Variants in GTF2H5 observed in about 807,000 individuals in gnomAD.
GTF2H5 encodes the protein general transcription factor IIH subunit 5, also known as TFB5 ortholog.
A neutral mutation model predicts 7.1 loss-of-function variants in GTF2H5; 5 were observed. That is an observed-to-expected ratio of 0.71 (90% confidence interval 0.37 to 1.49). GTF2H5 has a LOEUF of 1.49. Ranked by LOEUF, GTF2H5 falls within the 40% of genes most tolerant of loss-of-function variation. The pLI is 0.03. For synonymous variants in GTF2H5, 30 were observed against 31.7 expected (o/e 0.95, Z 0.18); for missense variants, 80 against 83.0 (o/e 0.96, Z 0.14).
At chr6:158,177,616 G>C (rs931318826) in intron 2 of GTF2H5, among the ~76,000 whole-genome samples, 2 of 152,184 alleles carry the variant, frequency 1.3e-5, no homozygotes, top group African/African-American at 4.8e-5. Flanking sequence ...TAAATGTGCA[G>C]AACGTACAGT....
At chr6:158,189,974 CTT>C (rs1236393588) in intron 2 of GTF2H5, among the ~76,000 whole-genome samples, 2 of 152,158 alleles carry the variant, frequency 1.3e-5, no homozygotes, top group African/African-American at 2.4e-5. Context: ...TTTCAGGACT[CTT>C]TGGGTTTTCT....
At chr6:158,189,400 G>T (rs1378182078) in intron 2 of GTF2H5, among the ~76,000 whole-genome samples, 1 of 152,112 alleles carries the variant, frequency 6.6e-6, no homozygotes, top group Non-Finnish European at 1.5e-5. Context: ...AATCCTTAGT[G>T]ATGTTAGTAT....
chr6:158,190,727 G>T (rs1445932408), intron 2 of GTF2H5: 1 of 408,416 alleles, frequency 2.4e-6, no homozygotes, highest in East Asian at 7.0e-5. Flanking sequence ...GGATTAAATT[G>T]TTACCTTTAC....
At chr6:158,179,309 G>A (rs1785974678) in intron 2 of GTF2H5, among the ~76,000 whole-genome samples, 2 of 152,184 alleles carry the variant, frequency 1.3e-5, no homozygotes, top group South Asian at 4.1e-4. Flanking sequence ...TTCTTGCACA[G>A]GATTGTCTTG....
chr6:158,169,306 A>G (rs1240876825), intron 1 of GTF2H5, among the ~76,000 whole-genome samples: 1 of 125,628 alleles, frequency 8.0e-6, no homozygotes, highest in Non-Finnish European at 1.6e-5. Flanking sequence ...TATATATAAT[A>G]TATAATATGT....
At position 158,198,683 on chromosome 6, in the gene GTF2H5, G is replaced by C. The variant is rs1777150789; in HGVS notation, c.*6526G>C. 1 of 152,360 alleles carries C rather than the reference G, an allele frequency of 6.6e-6. No homozygotes were observed. The highest frequency in any genetic ancestry group is 2.1e-4 in the South Asian group (1 of 4,824). The allele number at this position is 152,360 out of a possible 1,614,324, so 9.4% of individuals were successfully genotyped here. On this transcript the variant is annotated 3_prime_UTR_variant, in exon 3 of 3. Transcript: ENST00000607778. ...GGCCTCCCAAAGTGGTGGGATTACA[G>C]GCGTGAGCCAGCGCGCCCGGCCTGG...
At position 158,172,369 on chromosome 6, in the gene GTF2H5, T is replaced by G. The variant is rs1487989397; in HGVS notation, c.35+1831T>G. Among the ~76,000 whole-genome samples the G allele has an allele frequency of 2.0e-5, 3 of 151,882 alleles. No individual in the cohort carries two copies. The East Asian group carries it at 5.8e-4, about 29-fold the overall frequency. ...GCTCTGTTGCCAGGTTGGAGTGCAGTGGCGCGATCTTGGCTCCTGGATTCA... is the reference window on the plus strand; with the variant it reads ...GCTCTGTTGCCAGGTTGGAGTGCAGGGGCGCGATCTTGGCTCCTGGATTCA... On this transcript the variant is annotated intron_variant, in intron 2 of 2. Coordinates refer to ENST00000607778, the MANE Select transcript of GTF2H5 (RefSeq NM_207118.3).
intron 2 of GTF2H5, among the ~76,000 whole-genome samples, chr6:158,175,046 A>ATATGTGTGTGTGTGTGTGTG (rs1350204806): frequency 2.4e-5 from 1 of 41,708 alleles, no homozygotes; most frequent in African/African-American, 1.0e-4. Context: ...GTGTGTGTGT[A>ATATGTGTGTGTGTGTGTGTG]TACACACACA....
chr6:158,182,522 T>C (rs932701365), intron 2 of GTF2H5, among the ~76,000 whole-genome samples: 1 of 152,192 alleles, frequency 6.6e-6, no homozygotes, highest in Non-Finnish European at 1.5e-5. Flanking sequence ...CAATCAAACG[T>C]AGATTTGGTC....
At chr6:158,169,808 A>ATATATTATATATTG (rs1785821594) in intron 1 of GTF2H5, among the ~76,000 whole-genome samples, 3 of 109,146 alleles carry the variant, frequency 2.7e-5, no homozygotes, top group African/African-American at 1.2e-4. Flanking sequence ...ATTGTATATT[A>ATATATTATATATTG]TATATTATAT....
At chr6:158,182,908 T>G (rs1786029955) in intron 2 of GTF2H5, among the ~76,000 whole-genome samples, 1 of 152,150 alleles carries the variant, frequency 6.6e-6, no homozygotes, top group Non-Finnish European at 1.5e-5. Flanking sequence ...CCATCCAGTT[T>G]TCTTCCCTTG....
chr6:158,192,091 T>C lies in GTF2H5; in HGVS notation c.150T>C (p.Val50=). ...ACGTCTTTGTAATAGCAGAATTGGT[T>C]AATGTCCTCCAGGAGCGAGTGGGTG... The part of the protein sequence containing the change: ...DTHVFVIAEL[V]NVLQERVGEL... Residue 50 remains valine, a synonymous_variant, in exon 3 of 3, where the codon GTT becomes GTC. Coordinates refer to ENST00000607778, the MANE Select transcript of GTF2H5 (RefSeq NM_207118.3). 1 of 1,614,010 alleles carries C rather than the reference T, an allele frequency of 6.2e-7. No individual in the cohort carries two copies. Among genetic ancestry groups the C allele is most frequent in the Non-Finnish European group, 8.5e-7 (1 of 1,179,900 alleles).
chr6:158,181,555 C>T (rs1220887042), intron 2 of GTF2H5, among the ~76,000 whole-genome samples: 1 of 152,186 alleles, frequency 6.6e-6, no homozygotes, highest in East Asian at 1.9e-4. Flanking sequence ...CTGGGTCCCC[C>T]TGTATTGGGT....
At chr6:158,187,248 A>G (rs75525394) in intron 2 of GTF2H5, among the ~76,000 whole-genome samples, 1 of 151,930 alleles carries the variant, frequency 6.6e-6, no homozygotes. Context: ...CACCCACCTC[A>G]GCCTCCCAAA....
chr6:158,178,130 C>T (rs1040089361), intron 2 of GTF2H5, among the ~76,000 whole-genome samples: 5 of 152,084 alleles, frequency 3.3e-5, no homozygotes, highest in Admixed American at 1.3e-4. Context: ...GTTCTAGATC[C>T]TTAAGGAATC....
chr6:158,184,102 A>T (rs1452041000), intron 2 of GTF2H5, among the ~76,000 whole-genome samples: 1 of 152,116 alleles, frequency 6.6e-6, no homozygotes, highest in Admixed American at 6.6e-5. Flanking sequence ...TGATACTTAG[A>T]TTTCCTAAGT....
intron 1 of GTF2H5, among the ~76,000 whole-genome samples, chr6:158,169,608 TGTATATTAC>T (rs1785770765): frequency 2.3e-5 from 2 of 87,888 alleles, no homozygotes; most frequent in African/African-American, 1.0e-4. Context: ...TTACATATAT[TGTATATTAC>T]ATATAATATA....
intron 1 of GTF2H5, among the ~76,000 whole-genome samples, chr6:158,169,446 TTA>T (rs1491207655): frequency 3.0e-4 from 17 of 57,066 alleles, no homozygotes; most frequent in African/African-American, 6.3e-4. Context: ...ATTATATATA[TTA>T]TATATTATAT....
rs139632531 is a variant in GTF2H5, at chr6:158,192,268, A to G, written c.*111A>G. On this transcript the variant is annotated 3_prime_UTR_variant, in exon 3 of 3. Transcript: ENST00000607778. ...TAGAGGGTTGTTTTAGGAGCATGCC[A>G]CGGGAAAGACTGAGGGATCATGATC... 563 of 784,956 alleles carry G rather than the reference A, an allele frequency of 7.2e-4. 10 individuals carry two copies. In the East Asian group the frequency reaches 0.013, roughly 18 times the overall value. The allele number at this position is 784,956 out of a possible 1,614,324, so 48.6% of individuals were successfully genotyped here. A position where few individuals can be genotyped will look rare whatever the true frequency, so the allele number is the denominator to read the frequency against.
Sources: gnomAD v4.1 joint callset for allele counts (sites outside exome capture counted in the v4.1 genomes callset) on GRCh38, gnomAD v4.1.1 for gene constraint, MANE v1.5 for transcripts, NCBI Gene and HGNC (gene_info 2026-07-23, HGNC 2026-07-21) for gene names.